Variants in CRAMP1 observed in about 807,000 individuals in gnomAD.
The protein encoded by CRAMP1 is cramped chromatin regulator 1, also known as protein cramped-like.
CRAMP1 carries 50 observed loss-of-function variants against 115.4 expected under a neutral mutation model. The ratio of observed to expected loss-of-function variants is 0.43; its 90% confidence interval spans 0.35 to 0.55. The LOEUF is 0.55. CRAMP1 is among the 20% of genes least tolerant of loss of function. The probability of loss-of-function intolerance (pLI) is 0.01; values close to 1 mark genes in which losing one functional copy is unlikely to be tolerated. For missense variants in CRAMP1, 1,679 were observed against 1,721.7 expected (o/e 0.98, Z 0.44); for synonymous variants, 866 against 745.4 (o/e 1.16, Z -2.64).
intron 20 of CRAMP1, 94 bp from the exon 21 acceptor site, chr16:1,673,787 C>A: frequency 1.7e-6 from 2 of 1,177,578 alleles, no homozygotes; most frequent in South Asian, 1.3e-5. Context: ...CAGCGGGAGT[C>A]GATAGGAGCT....
chr16:1,645,162 C>G (rs543281921), intron 6 of CRAMP1, among the ~76,000 whole-genome samples: 11 of 152,100 alleles, frequency 7.2e-5, no homozygotes, highest in Non-Finnish European at 1.5e-4. Flanking sequence ...ACGATTTCCC[C>G]CATTATTAAC....
chr16:1,662,584 C>A lies in CRAMP1; in HGVS notation c.2508C>A (p.Thr836=). The stretch of plus-strand genomic sequence containing the variant: ...GAGGCCTTTTTGCTGTCCCGACAAC[C>A]TTGCCACCCAACAGCCGACACGGGA... ...SDGGLFAVPT[T]LPPNSRHGKL... The change falls in exon 12 of 21, where the codon ACC becomes ACA. Residue 836 remains threonine (T), a synonymous_variant. Coordinates refer to ENST00000397412, the MANE Select transcript of CRAMP1 (RefSeq NM_020825.4). 2 of 1,614,012 alleles carry A rather than the reference C, an allele frequency of 1.2e-6. No homozygotes were observed. Among genetic ancestry groups the A allele is most frequent in the Non-Finnish European group, 1.7e-6 (2 of 1,179,884 alleles).
Position 1,656,879 on chromosome 16 carries a change from C to A in CRAMP1, c.2122C>A (p.Leu708Met). Residue 708 changes from leucine (L) to methionine (M), a missense_variant, in exon 10 of 21, where the codon CTG (leucine) becomes ATG (methionine). Coordinates refer to ENST00000397412, the MANE Select transcript of CRAMP1 (RefSeq NM_020825.4). This position sits in a 1 kb window ranked among gnomAD's most constrained non-coding sequence, Gnocchi z 5.6. ...CAAGCTGCAGCTGGAGTACGACTGG[C>A]TGGGGCCCGGCCGCCAGGACCCCCG... ...PSKLQLEYDW[L>M]GPGRQDPRPG... The A allele has an allele frequency of 6.4e-7, 1 of 1,551,132 alleles. No homozygotes were observed. Among genetic ancestry groups the A allele is most frequent in the South Asian group, 1.2e-5 (1 of 84,106 alleles).
Position 1,666,293 on chromosome 16 carries a change from A to G in CRAMP1, c.2857+116A>G, listed in dbSNP as rs11861975. The G allele has an allele frequency of 0.11, 124,091 of 1,173,210 alleles. 9,719 individuals carry two copies. The highest frequency in any genetic ancestry group is 0.32 in the African/African-American group (20,958 of 65,196). 72.7% of individuals were successfully genotyped at this position (1,173,210 alleles called of 1,614,324 possible). A position where few individuals can be genotyped will look rare whatever the true frequency, so the allele number is the denominator to read the frequency against. On this transcript the variant is annotated intron_variant, in intron 15 of 20. Transcript: ENST00000397412. The surrounding 1 kb of genome is among the most constrained non-coding windows in gnomAD (Gnocchi z 5.0). ...TCATAATGTCTCATTACCCTTCACC[A>G]AGAACATCTAAGCCCTTGGCTCTTG... is the stretch of plus-strand genomic sequence containing the variant.
In CRAMP1 at chr16:1,641,283, C is replaced by T. The variant is rs1030534314; in HGVS notation, c.827+96C>T. ...CTGAAATGCTCTCAGTGAGGACCTT[C>T]CGAGTTAAAACTTCATAACCTCTCA... On this transcript the variant is annotated intron_variant, in intron 6 of 20. Coordinates refer to ENST00000397412, the MANE Select transcript of CRAMP1 (RefSeq NM_020825.4). 6 of 916,014 alleles carry T rather than the reference C, an allele frequency of 6.6e-6. No individual in the cohort carries two copies. In the African/African-American group the frequency reaches 9.9e-5, roughly 15 times the overall value. The allele number at this position is 916,014 out of a possible 1,614,324, so 56.7% of individuals were successfully genotyped here. A position where few individuals can be genotyped will look rare whatever the true frequency, so the allele number is the denominator to read the frequency against.
intron 6 of CRAMP1, among the ~76,000 whole-genome samples, chr16:1,650,925 C>T (rs2036717221): frequency 6.6e-6 from 1 of 152,256 alleles, no homozygotes; most frequent in Admixed American, 6.5e-5. Context: ...GACTGGGGTC[C>T]ACTCCTTGGA....
At chr16:1,626,689 G>A (rs970726567) in intron 3 of CRAMP1, among the ~76,000 whole-genome samples, 3 of 152,112 alleles carry the variant, frequency 2.0e-5, no homozygotes, top group Non-Finnish European at 4.4e-5. Flanking sequence ...GCTCCCTGCT[G>A]GCCAGTTTCA....
chr16:1,655,107 G>A (rs1165782243), intron 8 of CRAMP1, 112 bp from the exon 9 acceptor site: 2 of 922,754 alleles, frequency 2.2e-6, no homozygotes, highest in Admixed American at 2.0e-5. Flanking sequence ...TGCCTCTCCA[G>A]AGGTCCCTTG....
At chr16:1,670,543 G>T in intron 19 of CRAMP1, 121 bp from the exon 20 acceptor site, 4 of 1,063,768 alleles carry the variant, frequency 3.8e-6, no homozygotes, top group Middle Eastern at 4.4e-4. Flanking sequence ...CACAAGTCTG[G>T]ATTGGGGCCG....
chr16:1,637,883 G>A lies in CRAMP1; in HGVS notation c.754G>A (p.Glu252Lys), dbSNP rs769148788. 5 of 1,561,004 alleles carry A rather than the reference G, an allele frequency of 3.2e-6. No individual in the cohort carries two copies. Among genetic ancestry groups the A allele is most frequent in the Admixed American group, 1.9e-5 (1 of 51,864 alleles). Reference sequence around the variant, plus strand: ...ACTGTATGGCCTGATCTGCTATGGCGAGCTGCGCAAGAAGATTGGGGGCTG... The same window carrying A: ...ACTGTATGGCCTGATCTGCTATGGCAAGCTGCGCAAGAAGATTGGGGGCTG... ...QELYGLICYG[E>K]LRKKIGGCMD... The change falls in exon 5 of 21, where the codon GAG becomes AAG. Residue 252 changes from glutamate (E) to lysine (K), a missense_variant. Glu to Lys is a moderately conservative substitution (Grantham distance 56). Transcript: ENST00000397412.
chr16:1,669,230 A>G lies in CRAMP1; in HGVS notation c.3499+65A>G. 4.7e-6 allele frequency: 6 copies of G among 1,281,844 alleles called. No individual in the cohort carries two copies. Among genetic ancestry groups the G allele is most frequent in the African/African-American group, 1.5e-5 (1 of 65,998 alleles). The allele number at this position is 1,281,844 out of a possible 1,614,324, so 79.4% of individuals were successfully genotyped here. ...CAGCAGGGGCTGGGGTCTGCGGGAC[A>G]CTGGATTCTCATTCTACTCAAACTC... On this transcript the variant is annotated intron_variant, in intron 19 of 20. Coordinates refer to ENST00000397412, the MANE Select transcript of CRAMP1 (RefSeq NM_020825.4). This position sits in a 1 kb window ranked among gnomAD's most constrained non-coding sequence, Gnocchi z 4.6.
chr16:1,666,668 GC>G lies in CRAMP1; in HGVS notation c.3036+69del. ...CTGGTGTGGACGCCAAAGCCATGGGGCTGAGATCACGCTGGACTCCAGCTCT... is the reference window on the plus strand; with the variant it reads ...CTGGTGTGGACGCCAAAGCCATGGGGTGAGATCACGCTGGACTCCAGCTCT... On this transcript the variant is annotated intron_variant, in intron 16 of 20. Coordinates refer to ENST00000397412, the MANE Select transcript of CRAMP1 (RefSeq NM_020825.4). This position sits in a 1 kb window ranked among gnomAD's most constrained non-coding sequence, Gnocchi z 5.0. The G allele has an allele frequency of 3.5e-6, 5 of 1,443,550 alleles. No homozygotes were observed. The South Asian group carries it at 5.9e-5, about 17-fold the overall frequency. The allele number at this position is 1,443,550 out of a possible 1,614,324, so 89.4% of individuals were successfully genotyped here. A position where few individuals can be genotyped will look rare whatever the true frequency, so the allele number is the denominator to read the frequency against.
Position 1,675,946 on chromosome 16 carries a change from G to C in CRAMP1, c.*1901G>C, listed in dbSNP as rs1389395524. On this transcript the variant is annotated 3_prime_UTR_variant, in exon 21 of 21. Transcript: ENST00000397412. Reference sequence around the variant, plus strand: ...ATTAGCATCTCATTGAGCCAGAGAAGACAAGGAGATCTCCCTCTGGGCATC... The same window carrying C: ...ATTAGCATCTCATTGAGCCAGAGAACACAAGGAGATCTCCCTCTGGGCATC... 1 of 152,222 alleles carries C rather than the reference G, an allele frequency of 6.6e-6. No homozygotes were observed. Among genetic ancestry groups the C allele is most frequent in the Non-Finnish European group, 1.5e-5 (1 of 68,052 alleles). 9.4% of individuals were successfully genotyped at this position (152,222 alleles called of 1,614,324 possible).
intron 3 of CRAMP1, among the ~76,000 whole-genome samples, chr16:1,626,532 T>G (rs926215464): frequency 1.3e-5 from 2 of 151,904 alleles, no homozygotes; most frequent in African/African-American, 4.8e-5. Flanking sequence ...GATGGCCTCT[T>G]GAGGGGAGGC....
In CRAMP1 at chr16:1,674,170, G is replaced by A. The variant is rs890183255; in HGVS notation, c.*125G>A. 6.9e-5 allele frequency: 67 copies of A among 971,560 alleles called. No homozygotes were observed. The Middle Eastern group carries it at 9.9e-4, about 14-fold the overall frequency. 60.2% of individuals were successfully genotyped at this position (971,560 alleles called of 1,614,324 possible). ...CCAAGACTGTGCAACGGGCAGGAAC[G>A]TGGTCACAGAGCTGCTTCCCCACGA... On this transcript the variant is annotated 3_prime_UTR_variant, in exon 21 of 21. Coordinates refer to ENST00000397412, the MANE Select transcript of CRAMP1 (RefSeq NM_020825.4).
chr16:1,619,712 G>C (rs111459429), intron 2 of CRAMP1, among the ~76,000 whole-genome samples: 1 of 152,158 alleles, frequency 6.6e-6, no homozygotes, highest in Non-Finnish European at 1.5e-5. Flanking sequence ...GAGAGACAGC[G>C]CTGGTCAGAG....
intron 6 of CRAMP1, among the ~76,000 whole-genome samples, chr16:1,652,247 A>C (rs2036730774): frequency 6.6e-6 from 1 of 152,246 alleles, no homozygotes; most frequent in Non-Finnish European, 1.5e-5. Context: ...AGGAGGGCAC[A>C]GCACATTTTC....
intron 9 of CRAMP1, among the ~76,000 whole-genome samples, 184 bp from the exon 10 acceptor site, chr16:1,655,693 T>A (rs188096955): frequency 6.6e-6 from 1 of 152,288 alleles, no homozygotes; most frequent in Admixed American, 6.5e-5. Context: ...GTGAATTTCC[T>A]GAAGGTACTA....
intron 2 of CRAMP1, among the ~76,000 whole-genome samples, chr16:1,617,824 ATCT>A (rs1177220766): frequency 6.6e-6 from 1 of 152,214 alleles, no homozygotes; most frequent in Non-Finnish European, 1.5e-5. Context: ...TCAAATTTAA[ATCT>A]TCTTGCATTG....
Sources: allele counts gnomAD v4.1 joint callset (sites outside exome capture counted in the v4.1 genomes callset), GRCh38; gene constraint gnomAD v4.1.1; non-coding constraint Gnocchi (gnomAD v3.1); transcripts MANE v1.5; gene names NCBI Gene and HGNC (gene_info 2026-07-23, HGNC 2026-07-21).